The following AGAP1 variants were observed in gnomAD, a reference collection of about 807,000 sequenced individuals.
AGAP1 encodes the protein ArfGAP with GTPase domain, ankyrin repeat and PH domain 1.
A neutral mutation model predicts 105.3 loss-of-function variants in AGAP1; 29 were observed. The observed-to-expected ratio is 0.28, with a 90% CI of 0.21 to 0.38. The LOEUF is 0.38. Ranked by LOEUF, AGAP1 falls within the 10% of genes least tolerant of loss-of-function variation. The probability of loss-of-function intolerance (pLI) is 1.00; values close to 1 mark genes in which losing one functional copy is unlikely to be tolerated. For missense variants in AGAP1, 998 were observed against 1,165.1 expected (o/e 0.86, Z 2.09); for synonymous variants, 509 against 485.9 (o/e 1.05, Z -0.63).
chr2:235,619,199 G>C (rs542028245), intron 1 of AGAP1, among the ~76,000 whole-genome samples: 1 of 152,294 alleles, frequency 6.6e-6, no homozygotes, highest in Admixed American at 6.5e-5. Context: ...CCAAGTTTGT[G>C]GTTTGTTACA....
intron 2 of AGAP1, among the ~76,000 whole-genome samples, chr2:235,711,138 G>C (rs1447668401): frequency 6.6e-6 from 1 of 152,242 alleles, no homozygotes; most frequent in Non-Finnish European, 1.5e-5. Context: ...GCACTGCCCA[G>C]TGCCGTCACG....
At chr2:235,708,120 T>C (rs1350563913) in intron 1 of AGAP1, among the ~76,000 whole-genome samples, 2 of 152,228 alleles carry the variant, frequency 1.3e-5, no homozygotes, top group Non-Finnish European at 2.9e-5. Context: ...GTGAAGGTGA[T>C]GGTGTTTCTT....
intron 4 of AGAP1, among the ~76,000 whole-genome samples, chr2:235,742,780 T>C (rs779442583): frequency 1.3e-3 from 192 of 152,216 alleles, no homozygotes; most frequent in Non-Finnish European, 2.1e-3. Context: ...AGCACATAAA[T>C]GTTTTGAGTG....
chr2:235,558,404 A>G (rs1944041200), intron 1 of AGAP1, among the ~76,000 whole-genome samples: 1 of 152,042 alleles, frequency 6.6e-6, no homozygotes, highest in South Asian at 2.1e-4. Context: ...AGATATGTGT[A>G]TGATTGATTC....
intron 1 of AGAP1, among the ~76,000 whole-genome samples, chr2:235,685,461 T>C (rs1949329037): frequency 6.6e-6 from 1 of 151,140 alleles, no homozygotes; most frequent in Non-Finnish European, 1.5e-5. Context: ...GATATCCTTT[T>C]CTGCTTGCTT....
At chr2:235,925,614 G>A (rs74721775) in intron 11 of AGAP1, among the ~76,000 whole-genome samples, 1,706 of 152,276 alleles carry the variant, frequency 0.011, 25 homozygotes, top group African/African-American at 0.038. Flanking sequence ...TAAACTCACC[G>A]TCTTAGCTAT....
chr2:235,721,316 G>C lies in AGAP1; in HGVS notation c.310+3672G>C, dbSNP rs1250132425. 2.6e-5 allele frequency among the ~76,000 whole-genome samples: 4 copies of C among 152,196 alleles called. No homozygotes were observed. Among genetic ancestry groups the C allele is most frequent in the African/African-American group, 9.7e-5 (4 of 41,446 alleles). On this transcript the variant is annotated intron_variant, in intron 3 of 17. Coordinates refer to ENST00000304032, the MANE Select transcript of AGAP1 (RefSeq NM_001037131.3). This position sits in a 1 kb window ranked among gnomAD's most constrained non-coding sequence, Gnocchi z 4.5. ...AGCCACCACGTCCAGCCAAGACTTA[G>C]ATAATTTTAAAGATGCAGTTCAAAT... is the stretch of plus-strand genomic sequence containing the variant.
intron 13 of AGAP1, among the ~76,000 whole-genome samples, chr2:235,997,425 C>T (rs559655650): frequency 6.6e-6 from 1 of 152,320 alleles, no homozygotes; most frequent in South Asian, 2.1e-4. Flanking sequence ...TAATTTAAGA[C>T]GTCATTCTAA....
intron 1 of AGAP1, among the ~76,000 whole-genome samples, chr2:235,499,516 A>G (rs776771139): frequency 6.6e-6 from 1 of 152,188 alleles, no homozygotes; most frequent in Admixed American, 6.5e-5. Flanking sequence ...CTTAAAAATA[A>G]CACTCAGTTG....
intron 10 of AGAP1, among the ~76,000 whole-genome samples, chr2:235,884,723 G>A (rs1210233211): frequency 6.6e-6 from 1 of 151,966 alleles, no homozygotes; most frequent in African/African-American, 2.4e-5. Context: ...CAAAATGCTG[G>A]GATTACAGGT....
intron 11 of AGAP1, among the ~76,000 whole-genome samples, chr2:235,926,830 C>T (rs1346989629): frequency 6.6e-6 from 1 of 152,118 alleles, no homozygotes; most frequent in Non-Finnish European, 1.5e-5. Flanking sequence ...ACCCCGGAAC[C>T]CACTCAGATC....
chr2:236,077,465 C>G (rs368529446), intron 16 of AGAP1, among the ~76,000 whole-genome samples: 1 of 151,900 alleles, frequency 6.6e-6, no homozygotes, highest in Non-Finnish European at 1.5e-5. Flanking sequence ...ATTACAGGTG[C>G]GTGCCACCAC....
In AGAP1 at chr2:236,076,900, G is replaced by A. The variant is rs866952515; in HGVS notation, c.2114+27619G>A. 6.1e-4 allele frequency among the ~76,000 whole-genome samples: 93 copies of A among 151,506 alleles called. No individual in the cohort carries two copies. The highest frequency in any genetic ancestry group is 1.4e-3 in the African/African-American group (58 of 41,342). On this transcript the variant is annotated intron_variant, in intron 16 of 17. Transcript: ENST00000304032. This position sits in a 1 kb window ranked among gnomAD's most constrained non-coding sequence, Gnocchi z 4.4. ...GTGGGCAGATTGCTTGAGCCTAGGAGTTCAAGACCAGCCAGGGCAACATGG... is the reference window on the plus strand; with the variant it reads ...GTGGGCAGATTGCTTGAGCCTAGGAATTCAAGACCAGCCAGGGCAACATGG...
intron 1 of AGAP1, among the ~76,000 whole-genome samples, chr2:235,627,487 G>A (rs1281129535): frequency 6.6e-6 from 1 of 152,040 alleles, no homozygotes; most frequent in East Asian, 1.9e-4. Flanking sequence ...GGCCTCCCAA[G>A]GTGCTGGGAT....
intron 9 of AGAP1, among the ~76,000 whole-genome samples, chr2:235,876,014 A>C (rs1462202997): frequency 6.6e-6 from 1 of 152,224 alleles, no homozygotes; most frequent in African/African-American, 2.4e-5. Context: ...GTTCTATGTC[A>C]GACCCATGAC....
chr2:235,885,380 C>T (rs886542638), intron 10 of AGAP1, among the ~76,000 whole-genome samples: 1 of 152,186 alleles, frequency 6.6e-6, no homozygotes, highest in African/African-American at 2.4e-5. Context: ...GATAAATTTA[C>T]TTTCAGTTTT....
chr2:235,542,645 A>G (rs1416746122), intron 1 of AGAP1, among the ~76,000 whole-genome samples: 6 of 152,098 alleles, frequency 3.9e-5, no homozygotes, highest in Non-Finnish European at 7.3e-5. Flanking sequence ...TCATTTCAAA[A>G]TATAGACTGT....
Position 235,726,182 on chromosome 2 carries a change from C to T in AGAP1, c.310+8538C>T, listed in dbSNP as rs183448748. 1.8e-4 allele frequency among the ~76,000 whole-genome samples: 28 copies of T among 152,310 alleles called. 1 individual carries two copies. In the East Asian group the frequency reaches 5.4e-3, roughly 29 times the overall value. On this transcript the variant is annotated intron_variant, in intron 3 of 17. Coordinates refer to ENST00000304032, the MANE Select transcript of AGAP1 (RefSeq NM_001037131.3). Reference sequence around the variant, plus strand: ...CTGAATAAGTAACTGTGATGCAGGGCTGGGACTTACACCCGGTCTGGGAGC... The same window carrying T: ...CTGAATAAGTAACTGTGATGCAGGGTTGGGACTTACACCCGGTCTGGGAGC...
intron 1 of AGAP1, among the ~76,000 whole-genome samples, chr2:235,617,649 C>T (rs550306197): frequency 6.0e-4 from 91 of 152,246 alleles, no homozygotes; most frequent in Non-Finnish European, 1.1e-3. Flanking sequence ...TTGCAGTGAG[C>T]CGAGATCCCG....
Sources: gnomAD v4.1 joint callset for allele counts (sites outside exome capture counted in the v4.1 genomes callset) on GRCh38, gnomAD v4.1.1 for gene constraint, Gnocchi (gnomAD v3.1) non-coding constraint, MANE v1.5 for transcripts, NCBI Gene and HGNC (gene_info 2026-07-23, HGNC 2026-07-21) for gene names.